Variants in ACTC1 observed in about 807,000 individuals in gnomAD.
ACTC1 encodes the protein actin, alpha cardiac muscle 1.
Under a neutral mutation model 31.6 loss-of-function variants are expected in ACTC1, and 10 were observed. The observed-to-expected ratio is 0.32, with a 90% CI of 0.19 to 0.54. The LOEUF is 0.54. Ranked by LOEUF, ACTC1 falls within the 20% of genes least tolerant of loss-of-function variation. ACTC1 has a pLI of 0.95. For synonymous variants in ACTC1, 196 were observed against 185.0 expected (o/e 1.06, Z -0.48); for missense variants, 129 against 506.4 (o/e 0.25, Z 7.15).
At position 34,793,159 on chromosome 15, in the gene ACTC1, T is replaced by G. The variant is rs1891741878; in HGVS notation, c.454+86A>C. 17 of 1,394,654 alleles carry G rather than the reference T, an allele frequency of 1.2e-5. No individual in the cohort carries two copies. In the Middle Eastern group the frequency reaches 5.3e-4, roughly 44 times the overall value. The allele number at this position is 1,394,654 out of a possible 1,614,324, so 86.4% of individuals were successfully genotyped here. ...GGAATGGGAGGAAAGGGATTATCCCTTTTTCAACTGGGGGATCTGATTCAC... is the reference window on the plus strand; with the variant it reads ...GGAATGGGAGGAAAGGGATTATCCCGTTTTCAACTGGGGGATCTGATTCAC... On this transcript the variant is annotated intron_variant, in intron 3 of 6. Transcript: ENST00000290378. This position sits in a 1 kb window ranked among gnomAD's most constrained non-coding sequence, Gnocchi z 4.8.
Position 34,790,548 on chromosome 15 carries a change from G to A in ACTC1, c.998C>T (p.Ala333Val), listed in dbSNP as rs730880406. The A allele has an allele frequency of 6.2e-7, 1 of 1,613,962 alleles. No individual in the cohort carries two copies. The highest frequency in any genetic ancestry group is 8.5e-7 in the Non-Finnish European group (1 of 1,179,944). Residue 333 changes from alanine to valine, a missense_variant, in exon 7 of 7, where the codon GCT becomes GTT. Coordinates refer to ENST00000290378, the MANE Select transcript of ACTC1 (RefSeq NM_005159.5). ...GACAGAGTATTTACGCTCAGGGGGA[G>A]CAATAATCTGCAGAAAGAAAACAAA... The part of the protein sequence containing the change: ...APSTMKIKII[A>V]PPERKYSVWI...
Position 34,791,037 on chromosome 15 carries a change from G to C in ACTC1, c.990+77C>G. ...AGGAGACAAGAAACTGAGTATGAGG[G>C]AAAAGGAATTTGGAACGTAGTTCTG... On this transcript the variant is annotated intron_variant, in intron 6 of 6. Transcript: ENST00000290378. 5 of 1,383,902 alleles carry C rather than the reference G, an allele frequency of 3.6e-6. No homozygotes were observed. The South Asian group carries it at 4.3e-5, about 12-fold the overall frequency. 85.7% of individuals were successfully genotyped at this position (1,383,902 alleles called of 1,614,324 possible).
chr15:34,793,399 G>T lies in ACTC1; in HGVS notation c.300C>A (p.Pro100=). 1 of 1,614,104 alleles carries T rather than the reference G, an allele frequency of 6.2e-7. No homozygotes were observed. Among genetic ancestry groups the T allele is most frequent in the Non-Finnish European group, 8.5e-7 (1 of 1,180,006 alleles). ...HTFYNELRVA[P]EEHPTLLTEA... ...CTGTGAGCAGGGTGGGGTGCTCCTC[G>T]GGAGCCACACGGAGCTCATTGTAGA... The change falls in exon 3 of 7, where the codon CCC becomes CCA. Residue 100 remains proline (P), a synonymous_variant. Transcript: ENST00000290378. This position sits in a 1 kb window ranked among gnomAD's most constrained non-coding sequence, Gnocchi z 4.8.
chr15:34,790,663 T>G, intron 6 of ACTC1, 108 bp from the exon 7 acceptor site: 1 of 1,323,328 alleles, frequency 7.6e-7, no homozygotes, highest in South Asian at 1.2e-5. Context: ...ATTAATTCGC[T>G]ATAATGTGGG....
chr15:34,790,295 A>G lies in ACTC1; in HGVS notation c.*117T>C, dbSNP rs1359687028. Reference sequence around the variant, plus strand: ...AATATTAGAAGCACAAACAAATTGCACGTGTGTAAACAAACTGTACAATGA... The same window carrying G: ...AATATTAGAAGCACAAACAAATTGCGCGTGTGTAAACAAACTGTACAATGA... On this transcript the variant is annotated 3_prime_UTR_variant, in exon 7 of 7. Coordinates refer to ENST00000290378, the MANE Select transcript of ACTC1 (RefSeq NM_005159.5). 7.6e-7 allele frequency: 1 copy of G among 1,311,498 alleles called. No individual in the cohort carries two copies. The highest frequency in any genetic ancestry group is 1.5e-5 in the African/African-American group (1 of 68,842). 81.2% of individuals were successfully genotyped at this position (1,311,498 alleles called of 1,614,324 possible). A position where few individuals can be genotyped will look rare whatever the true frequency, so the allele number is the denominator to read the frequency against.
At chr15:34,791,321 A>T in intron 5 of ACTC1, 26 bp from the exon 6 acceptor site, 1 of 792,910 alleles carries the variant, frequency 1.3e-6, no homozygotes, top group Non-Finnish European at 1.7e-6. Context: ...ACACACACAC[A>T]CACACACACA....
At position 34,792,706 on chromosome 15, in the gene ACTC1, A is replaced by G; in HGVS notation, c.455-137T>C. ...TGATCCAGATAAAATTAGATTCCTT[A>G]CACACAAAGAATAAAAATGCGCATC... On this transcript the variant is annotated intron_variant, in intron 3 of 6. Coordinates refer to ENST00000290378, the MANE Select transcript of ACTC1 (RefSeq NM_005159.5). The surrounding 1 kb of genome is among the most constrained non-coding windows in gnomAD (Gnocchi z 5.3). 1 of 888,886 alleles carries G rather than the reference A, an allele frequency of 1.1e-6. No homozygotes were observed. The highest frequency in any genetic ancestry group is 1.8e-6 in the Non-Finnish European group (1 of 551,210). 55.1% of individuals were successfully genotyped at this position (888,886 alleles called of 1,614,324 possible). A position where few individuals can be genotyped will look rare whatever the true frequency, so the allele number is the denominator to read the frequency against.
Position 34,793,587 on chromosome 15 carries a change from G to T in ACTC1, c.130-18C>A. 3 of 1,609,658 alleles carry T rather than the reference G, an allele frequency of 1.9e-6. No homozygotes were observed. The highest frequency in any genetic ancestry group is 2.6e-6 in the Non-Finnish European group (3 of 1,176,290). ...ATAACTCCCTATGAGAAGAAAAAAT[G>T]AGAAAATCATGCTCTCACCATGTCA... is the stretch of plus-strand genomic sequence containing the variant. On this transcript the variant is annotated intron_variant, in intron 2 of 6. Coordinates refer to ENST00000290378, the MANE Select transcript of ACTC1 (RefSeq NM_005159.5). The surrounding 1 kb of genome is among the most constrained non-coding windows in gnomAD (Gnocchi z 4.8).
Position 34,792,640 on chromosome 15 carries a change from C to T in ACTC1, c.455-71G>A. The T allele has an allele frequency of 6.4e-7, 1 of 1,555,408 alleles. No homozygotes were observed. On this transcript the variant is annotated intron_variant, in intron 3 of 6. Coordinates refer to ENST00000290378, the MANE Select transcript of ACTC1 (RefSeq NM_005159.5). This position sits in a 1 kb window ranked among gnomAD's most constrained non-coding sequence, Gnocchi z 5.3. Reference sequence around the variant, plus strand: ...CACCACTGCTCTAGCCACGGCAAAGCCCGCTTCCAATCTTGGCTAAGAGAT... The same window carrying T: ...CACCACTGCTCTAGCCACGGCAAAGTCCGCTTCCAATCTTGGCTAAGAGAT...
At position 34,794,832 on chromosome 15, in the gene ACTC1, T is replaced by G; in HGVS notation, c.-22-2A>C. ...ATCTTGGCACAGCTTCAGGGGGTTC[T>G]GCAGGTTGAGGAGGGGAGGGCGGAC... is the stretch of plus-strand genomic sequence containing the variant. On this transcript the variant is annotated splice_acceptor_variant, in intron 1 of 6. Coordinates refer to ENST00000290378, the MANE Select transcript of ACTC1 (RefSeq NM_005159.5). LOFTEE classifies it low-confidence loss of function (5UTR_SPLICE). 6.2e-7 allele frequency: 1 copy of G among 1,608,102 alleles called. No homozygotes were observed. Among genetic ancestry groups the G allele is most frequent in the South Asian group, 1.1e-5 (1 of 90,792 alleles).
chr15:34,790,664 A>G, intron 6 of ACTC1, 109 bp from the exon 7 acceptor site: 8 of 1,264,850 alleles, frequency 6.3e-6, no homozygotes, highest in South Asian at 2.5e-5. Context: ...TTAATTCGCT[A>G]TAATGTGGGA....
Position 34,790,397 on chromosome 15 carries a change from G to A in ACTC1, c.*15C>T, listed in dbSNP as rs1375106413. 6.2e-7 allele frequency: 1 copy of A among 1,613,178 alleles called. No individual in the cohort carries two copies. The highest frequency in any genetic ancestry group is 8.5e-7 in the Non-Finnish European group (1 of 1,179,922). On this transcript the variant is annotated 3_prime_UTR_variant, in exon 7 of 7. Coordinates refer to ENST00000290378, the MANE Select transcript of ACTC1 (RefSeq NM_005159.5). ...CGTCATCCTGACTGGAAGGTAGATG[G>A]AGAGAGAAGGCATCTTAGAAGCATT...
In ACTC1 at chr15:34,792,130, G is replaced by A. The variant is rs1595760728; in HGVS notation, c.768C>T (p.Arg256=). The A allele has an allele frequency of 1.9e-6, 3 of 1,614,228 alleles. No homozygotes were observed. The highest frequency in any genetic ancestry group is 2.5e-6 in the Non-Finnish European group (3 of 1,180,046). ...DGQVITIGNE[R]FRCPETLFQP... ...GGAAGAGTGTCTCAGGACAGCGGAA[G>A]CGCTCATTGCCAATAGTGATGACTT... The change falls in exon 5 of 7, where the codon CGC becomes CGT. Residue 256 remains arginine (R), a synonymous_variant. Transcript: ENST00000290378. The surrounding 1 kb of genome is among the most constrained non-coding windows in gnomAD (Gnocchi z 5.3).
Position 34,794,680 on chromosome 15 carries a change from C to T in ACTC1, c.129G>A (p.Gln43=), listed in dbSNP as rs878854753. ...ACGGGGGGCTCGGCGGGAAGTTTACCTGGTGCCGCGGGCGGCCCACGATGG... is the reference window on the plus strand; with the variant it reads ...ACGGGGGGCTCGGCGGGAAGTTTACTTGGTGCCGCGGGCGGCCCACGATGG... ...FPSIVGRPRH[Q]GVMVGMGQKD... The change falls in exon 2 of 7, where the codon CAG becomes CAA. Residue 43 remains glutamine (Q), a splice_region_variant and synonymous_variant. Coordinates refer to ENST00000290378, the MANE Select transcript of ACTC1 (RefSeq NM_005159.5). 1.2e-6 allele frequency: 2 copies of T among 1,611,320 alleles called. No homozygotes were observed. The highest frequency in any genetic ancestry group is 1.7e-6 in the Non-Finnish European group (2 of 1,178,700).
Position 34,793,691 on chromosome 15 carries a change from C to A in ACTC1, c.130-122G>T. 1.1e-6 allele frequency: 1 copy of A among 946,038 alleles called. No individual in the cohort carries two copies. Among genetic ancestry groups the A allele is most frequent in the Middle Eastern group, 2.1e-4 (1 of 4,708 alleles). 58.6% of individuals were successfully genotyped at this position (946,038 alleles called of 1,614,324 possible). ...ATATTTAAATACCAGAAATAACAAG[C>A]AATACGATTTTACCCCAATTTAGAA... is the stretch of plus-strand genomic sequence containing the variant. On this transcript the variant is annotated intron_variant, in intron 2 of 6. Transcript: ENST00000290378. This position sits in a 1 kb window ranked among gnomAD's most constrained non-coding sequence, Gnocchi z 4.8.
rs769303249 is a variant in ACTC1, at chr15:34,793,390, G to A, written c.309C>T (p.His103=). The change falls in exon 3 of 7, where the codon CAC becomes CAT. Residue 103 remains histidine, a synonymous_variant. Transcript: ENST00000290378. This position sits in a 1 kb window ranked among gnomAD's most constrained non-coding sequence, Gnocchi z 4.8. Reference sequence around the variant, plus strand: ...GCGGGGCCTCTGTGAGCAGGGTGGGGTGCTCCTCGGGAGCCACACGGAGCT... The same window carrying A: ...GCGGGGCCTCTGTGAGCAGGGTGGGATGCTCCTCGGGAGCCACACGGAGCT... The part of the protein sequence containing the change: ...YNELRVAPEE[H]PTLLTEAPLN... The A allele has an allele frequency of 3.7e-6, 6 of 1,614,024 alleles. No homozygotes were observed. In the African/African-American group the frequency reaches 8.0e-5, roughly 22 times the overall value.
At position 34,794,820 on chromosome 15, in the gene ACTC1, T is replaced by C. The variant is rs372036883; in HGVS notation, c.-12A>G. ...TCGTCGTCACACATCTTGGCACAGCTTCAGGGGGTTCTGCAGGTTGAGGAG... is the reference window on the plus strand; with the variant it reads ...TCGTCGTCACACATCTTGGCACAGCCTCAGGGGGTTCTGCAGGTTGAGGAG... On this transcript the variant is annotated 5_prime_UTR_variant, in exon 2 of 7. Transcript: ENST00000290378. 2.5e-6 allele frequency: 4 copies of C among 1,611,070 alleles called. No homozygotes were observed. Among genetic ancestry groups the C allele is most frequent in the Non-Finnish European group, 3.4e-6 (4 of 1,177,932 alleles).
rs1238646425 is a variant in ACTC1, at chr15:34,792,822, T to C, written c.455-253A>G. The C allele has an allele frequency of 3.6e-6, 2 of 551,352 alleles. No individual in the cohort carries two copies. Among genetic ancestry groups the C allele is most frequent in the Admixed American group, 3.1e-5 (1 of 32,682 alleles). 34.2% of individuals were successfully genotyped at this position (551,352 alleles called of 1,614,324 possible). ...GAGGACACTTTCAAATGACCATCTT[T>C]CTTGTCAGCCACGAGCACATTATGT... On this transcript the variant is annotated intron_variant, in intron 3 of 6. Coordinates refer to ENST00000290378, the MANE Select transcript of ACTC1 (RefSeq NM_005159.5). This position sits in a 1 kb window ranked among gnomAD's most constrained non-coding sequence, Gnocchi z 5.3.
At chr15:34,794,630 C>T (rs1163156020) in intron 2 of ACTC1, 50 bp downstream of exon 2, 2 of 1,589,720 alleles carry the variant, frequency 1.3e-6, no homozygotes, top group Non-Finnish European at 8.6e-7. Context: ...TCCTAGATCG[C>T]TGGACTGAAG....
Sources: gnomAD v4.1 joint callset for allele counts on GRCh38, gnomAD v4.1.1 for gene constraint, Gnocchi (gnomAD v3.1) non-coding constraint, MANE v1.5 for transcripts, NCBI Gene and HGNC (gene_info 2026-07-23, HGNC 2026-07-21) for gene names.